Variants in RAPGEF1 observed in about 807,000 individuals in gnomAD.
The protein encoded by RAPGEF1 is CRK SH3-binding GNRP.
In RAPGEF1, 33 loss-of-function variants were observed where a neutral mutation model predicts 143.3. That is an observed-to-expected ratio of 0.23 (90% CI 0.17 to 0.31). The LOEUF is 0.31. RAPGEF1 is among the 10% of genes least tolerant of loss of function. The probability of loss-of-function intolerance (pLI) is 1.00; values close to 1 mark genes in which losing one functional copy is unlikely to be tolerated. For missense variants in RAPGEF1, 1,199 were observed against 1,645.4 expected (o/e 0.73, Z 4.69); for synonymous variants, 629 against 676.5 (o/e 0.93, Z 1.09).
intron 1 of RAPGEF1, among the ~76,000 whole-genome samples, chr9:131,658,747 A>G (rs1564640338): frequency 6.6e-6 from 1 of 152,236 alleles, no homozygotes; most frequent in East Asian, 1.9e-4. Flanking sequence ...AAGACATCAA[A>G]GCCAACCCAA....
chr9:131,629,588 T>G (rs1326665328), intron 6 of RAPGEF1, among the ~76,000 whole-genome samples: 2 of 152,076 alleles, frequency 1.3e-5, no homozygotes, highest in Non-Finnish European at 1.5e-5. Flanking sequence ...GTTAGGAGTT[T>G]GAGACCAGCT....
intron 5 of RAPGEF1, among the ~76,000 whole-genome samples, chr9:131,638,363 AAGCATGCTC>A (rs1205640232): frequency 6.6e-6 from 1 of 152,222 alleles, no homozygotes; most frequent in East Asian, 1.9e-4. Flanking sequence ...TCTAGCTGGC[AAGCATGCTC>A]AGCCAGCACG....
At chr9:131,698,511 T>C (rs760200772) in intron 1 of RAPGEF1, among the ~76,000 whole-genome samples, 9 of 152,204 alleles carry the variant, frequency 5.9e-5, no homozygotes, top group Non-Finnish European at 1.2e-4. Context: ...GACAAATTGT[T>C]TGCAGTAATG....
In RAPGEF1 at chr9:131,675,358, C is replaced by T. The variant is rs1409726479; in HGVS notation, c.62-24409G>A. On this transcript the variant is annotated intron_variant, in intron 1 of 26. Transcript: ENST00000683357. The surrounding 1 kb of genome is among the most constrained non-coding windows in gnomAD (Gnocchi z 4.6). ...GGCGAGGCTGTGGAGGAGGGCTCTG[C>T]GGGAGCAGGGAGCCCGGCAGCTTCC... is the stretch of plus-strand genomic sequence containing the variant. Among the ~76,000 whole-genome samples the T allele has an allele frequency of 2.0e-5, 3 of 152,150 alleles. No homozygotes were observed. The highest frequency in any genetic ancestry group is 4.8e-5 in the African/African-American group (2 of 41,434).
At chr9:131,603,707 A>C (rs913820559) in intron 14 of RAPGEF1, among the ~76,000 whole-genome samples, 10 of 152,262 alleles carry the variant, frequency 6.6e-5, no homozygotes, top group Admixed American at 4.6e-4. Context: ...AGATTTCTAG[A>C]TGACCCATCT....
At chr9:131,582,723 A>C in intron 24 of RAPGEF1, 21 bp from the exon 25 acceptor site, 1 of 1,546,320 alleles carries the variant, frequency 6.5e-7, no homozygotes, top group Non-Finnish European at 8.7e-7. Flanking sequence ...AGGACAGGAC[A>C]GGACCGGACA....
At position 131,701,457 on chromosome 9, in the gene RAPGEF1, C is replaced by A. The variant is rs186619978; in HGVS notation, c.61+38313G>T. On this transcript the variant is annotated intron_variant, in intron 1 of 26. Coordinates refer to ENST00000683357, the MANE Select transcript of RAPGEF1 (RefSeq NM_001377935.1). ...GGACACTTTAGTTACATGTCAACTG[C>A]TCCCAAATGGAAGCTCCTAATATAC... is the stretch of plus-strand genomic sequence containing the variant. Among the ~76,000 whole-genome samples, 431 of 152,338 alleles carry A rather than the reference C, an allele frequency of 2.8e-3. 1 individual carries two copies. The highest frequency in any genetic ancestry group is 0.01 in the African/African-American group (423 of 41,576).
Position 131,697,681 on chromosome 9 carries a change from G to A in RAPGEF1, c.61+42089C>T, listed in dbSNP as rs373349578. On this transcript the variant is annotated intron_variant, in intron 1 of 26. Coordinates refer to ENST00000683357, the MANE Select transcript of RAPGEF1 (RefSeq NM_001377935.1). ...TGGCTCAAAGTGTCCACTCTTCCCA[G>A]ATTCTTGCACCTGAGGGTACAGGAC... Among the ~76,000 whole-genome samples the A allele has an allele frequency of 5.3e-5, 8 of 152,346 alleles. No individual in the cohort carries two copies. In the East Asian group the frequency reaches 1.5e-3, roughly 29 times the overall value.
intron 1 of RAPGEF1, among the ~76,000 whole-genome samples, chr9:131,722,513 G>A (rs1836339509): frequency 6.6e-6 from 1 of 152,232 alleles, no homozygotes; most frequent in South Asian, 2.1e-4. Context: ...CATGAGCCAA[G>A]CACTAACTAC....
chr9:131,668,617 C>G (rs911672272), intron 1 of RAPGEF1, among the ~76,000 whole-genome samples: 1 of 152,162 alleles, frequency 6.6e-6, no homozygotes, highest in Non-Finnish European at 1.5e-5. Flanking sequence ...GTGTCCTGAA[C>G]CACTCAAGGC....
In RAPGEF1 at chr9:131,628,778, A is replaced by G. The variant is rs1288887061; in HGVS notation, c.894-106T>C. The G allele has an allele frequency of 1.4e-6, 2 of 1,417,458 alleles. No individual in the cohort carries two copies. Among genetic ancestry groups the G allele is most frequent in the Non-Finnish European group, 1.9e-6 (2 of 1,053,050 alleles). 87.8% of individuals were successfully genotyped at this position (1,417,458 alleles called of 1,614,324 possible). A position where few individuals can be genotyped will look rare whatever the true frequency, so the allele number is the denominator to read the frequency against. Reference sequence around the variant, plus strand: ...GGGTTCTTTCATTACTAGACTCTCCACACCCAATGTTCACACTTCAACTCC... The same window carrying G: ...GGGTTCTTTCATTACTAGACTCTCCGCACCCAATGTTCACACTTCAACTCC... On this transcript the variant is annotated intron_variant, in intron 7 of 26. Coordinates refer to ENST00000683357, the MANE Select transcript of RAPGEF1 (RefSeq NM_001377935.1). This position sits in a 1 kb window ranked among gnomAD's most constrained non-coding sequence, Gnocchi z 5.7.
At position 131,604,032 on chromosome 9, in the gene RAPGEF1, C is replaced by A. The variant is rs1217846387; in HGVS notation, c.2341G>T (p.Ala781Ser). 35 of 1,336,766 alleles carry A rather than the reference C, an allele frequency of 2.6e-5. No homozygotes were observed. Among genetic ancestry groups the A allele is most frequent in the Non-Finnish European group, 3.5e-5 (35 of 1,005,302 alleles). 82.8% of individuals were successfully genotyped at this position (1,336,766 alleles called of 1,614,324 possible). ...TDSSENASEE[A>S]GEGEYVNLYS... ...AGATTGACATATTCACCCTCACCAG[C>A]TTCCTCACTGGCGTTTTCACTCTGG... is the stretch of plus-strand genomic sequence containing the variant. The change falls in exon 14 of 27, where the codon GCT becomes TCT. Residue 781 changes from alanine to serine, a missense_variant. Ala to Ser is a moderately conservative substitution (Grantham distance 99). Coordinates refer to ENST00000683357, the MANE Select transcript of RAPGEF1 (RefSeq NM_001377935.1).
chr9:131,590,256 G>A (rs555391893), intron 18 of RAPGEF1, among the ~76,000 whole-genome samples: 2 of 151,976 alleles, frequency 1.3e-5, no homozygotes, highest in African/African-American at 2.4e-5. Context: ...CCTTTCCATC[G>A]GGTTCACCCC....
intron 12 of RAPGEF1, among the ~76,000 whole-genome samples, chr9:131,615,142 C>T (rs1226503582): frequency 6.6e-6 from 1 of 152,210 alleles, no homozygotes; most frequent in East Asian, 1.9e-4. Context: ...GCGCGATCTC[C>T]ACTCACCGCA....
chr9:131,641,653 A>G lies in RAPGEF1; in HGVS notation c.494+1586T>C, dbSNP rs552909046. Among the ~76,000 whole-genome samples the G allele has an allele frequency of 6.6e-6, 1 of 152,356 alleles. No homozygotes were observed. Among genetic ancestry groups the G allele is most frequent in the East Asian group, 1.9e-4 (1 of 5,188 alleles). On this transcript the variant is annotated intron_variant, in intron 4 of 26. Coordinates refer to ENST00000683357, the MANE Select transcript of RAPGEF1 (RefSeq NM_001377935.1). The surrounding 1 kb of genome is among the most constrained non-coding windows in gnomAD (Gnocchi z 4.6). Reference sequence around the variant, plus strand: ...GACTAGGTCCACAAAAACATGTTCTAAGAGGGAATCCATACATCTCGCTGT... The same window carrying G: ...GACTAGGTCCACAAAAACATGTTCTGAGAGGGAATCCATACATCTCGCTGT...
chr9:131,726,560 AGGTT>A (rs1447812518), intron 1 of RAPGEF1, among the ~76,000 whole-genome samples: 1 of 126,546 alleles, frequency 7.9e-6, no homozygotes, highest in Admixed American at 8.0e-5. Flanking sequence ...CAGGAGGCAG[AGGTT>A]GCAGTGAGCT....
intron 1 of RAPGEF1, among the ~76,000 whole-genome samples, chr9:131,714,782 A>T (rs1366502874): frequency 6.9e-6 from 1 of 145,604 alleles, no homozygotes; most frequent in Admixed American, 7.1e-5. Context: ...ATCACAGCTC[A>T]CTGCAGCCTC....
chr9:131,607,125 A>G (rs1169981892), intron 12 of RAPGEF1, among the ~76,000 whole-genome samples: 1 of 152,120 alleles, frequency 6.6e-6, no homozygotes, highest in Non-Finnish European at 1.5e-5. Flanking sequence ...AGCACTCACT[A>G]CCACTTACAC....
intron 13 of RAPGEF1, among the ~76,000 whole-genome samples, chr9:131,604,415 C>T (rs962269094): frequency 2.0e-5 from 3 of 152,216 alleles, no homozygotes; most frequent in African/African-American, 7.2e-5. Flanking sequence ...TTGTCTGCTC[C>T]AATCTGCAAG....
Sources: gnomAD v4.1 joint callset for allele counts (sites outside exome capture counted in the v4.1 genomes callset) on GRCh38, gnomAD v4.1.1 for gene constraint, Gnocchi (gnomAD v3.1) non-coding constraint, MANE v1.5 for transcripts, NCBI Gene and HGNC (gene_info 2026-07-23, HGNC 2026-07-21) for gene names.